PTPN14: variants seen among roughly 807,000 people sequenced by gnomAD.
PTPN14 encodes tyrosine-protein phosphatase non-receptor type 14.
PTPN14 carries 53 observed loss-of-function variants against 126.8 expected under a neutral mutation model. The observed-to-expected ratio is 0.42, with a 90% CI of 0.34 to 0.53. PTPN14 has a LOEUF of 0.53. Among genes scored for constraint, PTPN14 ranks in the 20% least tolerant of loss-of-function variants. The probability of loss-of-function intolerance (pLI) is 0.08; values close to 1 mark genes in which losing one functional copy is unlikely to be tolerated. For missense variants in PTPN14, 1,257 were observed against 1,552.9 expected (o/e 0.81, Z 3.20); for synonymous variants, 630 against 599.3 (o/e 1.05, Z -0.75).
intron 4 of PTPN14, among the ~76,000 whole-genome samples, chr1:214,414,194 C>A (rs17022846): frequency 6.6e-6 from 1 of 152,102 alleles, no homozygotes; most frequent in Admixed American, 6.6e-5. Flanking sequence ...GATTTTAAAT[C>A]TACCTCTTTA....
rs190693661 is a variant in PTPN14, at chr1:214,384,693, C to T, written c.1162G>A (p.Val388Met). The T allele has an allele frequency of 3.9e-5, 63 of 1,614,126 alleles. No individual in the cohort carries two copies. The highest frequency in any genetic ancestry group is 2.0e-4 in the Admixed American group (12 of 60,016). The change falls in exon 13 of 19, where the codon GTG becomes ATG. Residue 388 changes from valine (V) to methionine (M), a missense_variant. Coordinates refer to ENST00000366956, the MANE Select transcript of PTPN14 (RefSeq NM_005401.5). This position sits in a 1 kb window ranked among gnomAD's most constrained non-coding sequence, Gnocchi z 5.3. ...YLNGTVTNGS[V>M]CSVHSVNSLN... ...GAGTTGACGCTGTGAACGCTACACA[C>T]GCTGCCATTGGTGACAGTGCCATTT...
rs368497370 is a variant in PTPN14 at position 214,402,841 on chromosome 1, C to G, written c.581+42G>C. On this transcript the variant is annotated intron_variant, in intron 6 of 18. Transcript: ENST00000366956. ...TGCCTCCTGCCCCATGGGCTGTAAA[C>G]ATCTGTTGTGCAGGCAGCCCCTTAC... 1.9e-6 allele frequency: 3 copies of G among 1,599,862 alleles called. No individual in the cohort carries two copies. In the African/African-American group the frequency reaches 4.0e-5, roughly 21 times the overall value.
intron 1 of PTPN14, chr1:214,532,450 A>G (rs1655576262): frequency 2.5e-6 from 2 of 806,884 alleles, no homozygotes; most frequent in African/African-American, 3.4e-5. Context: ...CTGAAAGACC[A>G]CCTGGCCTCC....
rs920018871 is a variant in PTPN14 at position 214,349,170 on chromosome 1, G to C, written c.*8752C>G. Reference sequence around the variant, plus strand: ...AGTAAGGAGACTGGGCTTCCATCTTGCAAGGTGGCAAGCGGCCACCACAGG... The same window carrying C: ...AGTAAGGAGACTGGGCTTCCATCTTCCAAGGTGGCAAGCGGCCACCACAGG... On this transcript the variant is annotated 3_prime_UTR_variant, in exon 19 of 19. Coordinates refer to ENST00000366956, the MANE Select transcript of PTPN14 (RefSeq NM_005401.5). The C allele has an allele frequency of 1.3e-5, 2 of 152,186 alleles. No individual in the cohort carries two copies. Among genetic ancestry groups the C allele is most frequent in the Non-Finnish European group, 2.9e-5 (2 of 68,038 alleles). The allele number at this position is 152,186 out of a possible 1,614,324, so 9.4% of individuals were successfully genotyped here.
At chr1:214,359,728 C>G (rs1034228485) in intron 18 of PTPN14, among the ~76,000 whole-genome samples, 9 of 151,278 alleles carry the variant, frequency 5.9e-5, no homozygotes, top group Non-Finnish European at 7.4e-5. Context: ...ACTCTGTTGC[C>G]CAGGCTGGTC....
intron 18 of PTPN14, among the ~76,000 whole-genome samples, chr1:214,360,295 C>T (rs1259563020): frequency 6.6e-6 from 1 of 152,116 alleles, no homozygotes; most frequent in African/African-American, 2.4e-5. Flanking sequence ...CTAAGGAATG[C>T]ATATCACAAA....
chr1:214,535,585 C>T (rs977708359), intron 1 of PTPN14, among the ~76,000 whole-genome samples: 1 of 152,098 alleles, frequency 6.6e-6, no homozygotes, highest in Non-Finnish European at 1.5e-5. Context: ...GGAGACCAGC[C>T]TGGCCAATAT....
At chr1:214,453,844 T>C (rs931598370) in intron 2 of PTPN14, among the ~76,000 whole-genome samples, 5 of 151,962 alleles carry the variant, frequency 3.3e-5, no homozygotes, top group African/African-American at 1.2e-4. Context: ...AGGAAAAAAA[T>C]CACAAAGCTA....
intron 1 of PTPN14, among the ~76,000 whole-genome samples, chr1:214,514,260 A>G (rs1340390674): frequency 6.6e-6 from 1 of 152,140 alleles, no homozygotes; most frequent in East Asian, 1.9e-4. Context: ...TTAAAAGGCA[A>G]TAAACCTAGT....
At position 214,383,764 on chromosome 1, in the gene PTPN14, G is replaced by A. The variant is rs1052232134; in HGVS notation, c.2091C>T (p.Thr697=). The A allele has an allele frequency of 2.5e-6, 4 of 1,613,218 alleles. No homozygotes were observed. Among genetic ancestry groups the A allele is most frequent in the Admixed American group, 1.7e-5 (1 of 60,012 alleles). ...PQLPQYHHKK[T]FSDATMLIHS... is the part of the protein sequence containing the mutation. The stretch of plus-strand genomic sequence containing the variant: ...GGATTAGCATAGTGGCATCAGAGAA[G>A]GTCTTCTTGTGGTGATACTGAGGGA... Residue 697 remains threonine (T), a synonymous_variant, in exon 13 of 19, where the codon ACC becomes ACT. Transcript: ENST00000366956. This position sits in a 1 kb window ranked among gnomAD's most constrained non-coding sequence, Gnocchi z 4.4.
rs77737102 is a variant in PTPN14, at chr1:214,502,543, G to A, written c.-154-37586C>T. Among the ~76,000 whole-genome samples, 619 of 152,006 alleles carry A rather than the reference G, an allele frequency of 4.1e-3. 14 individuals carry two copies. The highest frequency in any genetic ancestry group is 0.029 in the Admixed American group (447 of 15,256). On this transcript the variant is annotated intron_variant, in intron 1 of 18. Coordinates refer to ENST00000366956, the MANE Select transcript of PTPN14 (RefSeq NM_005401.5). ...CTTATTTTTTATTTATTTATTTTTAGAGACAGGATCTCACTATGTTGCCCA... is the reference window on the plus strand; with the variant it reads ...CTTATTTTTTATTTATTTATTTTTAAAGACAGGATCTCACTATGTTGCCCA...
At chr1:214,469,838 G>T (rs1359530628) in intron 1 of PTPN14, among the ~76,000 whole-genome samples, 2 of 151,696 alleles carry the variant, frequency 1.3e-5, no homozygotes, top group Non-Finnish European at 2.9e-5. Context: ...GGGGGTATGT[G>T]GGAAATCTTT....
At chr1:214,388,932 A>G (rs1327490730) in intron 11 of PTPN14, among the ~76,000 whole-genome samples, 1 of 152,214 alleles carries the variant, frequency 6.6e-6, no homozygotes, top group East Asian at 1.9e-4. Flanking sequence ...ATAAAAAAAA[A>G]GGGATCCAAG....
intron 1 of PTPN14, among the ~76,000 whole-genome samples, chr1:214,489,122 A>T (rs1034858815): frequency 2.6e-5 from 4 of 152,228 alleles, no homozygotes; most frequent in African/African-American, 9.6e-5. Flanking sequence ...GATGGTGATT[A>T]GTAACCGCAG....
At chr1:214,442,866 C>A (rs1415872748) in intron 3 of PTPN14, among the ~76,000 whole-genome samples, 1 of 150,964 alleles carries the variant, frequency 6.6e-6, no homozygotes, top group Admixed American at 6.6e-5. Context: ...TCTTGTTGCC[C>A]AGACTGGAGT....
intron 3 of PTPN14, among the ~76,000 whole-genome samples, chr1:214,436,398 AAGTTAAAAAAAAATAC>A (rs943804501): frequency 7.4e-6 from 1 of 134,816 alleles, no homozygotes; most frequent in African/African-American, 2.5e-5. Flanking sequence ...ATCTAAAATA[AAGTTAAAAAAAAATAC>A]AGTTTTCTTT....
chr1:214,418,391 C>T (rs1296037592), intron 3 of PTPN14, among the ~76,000 whole-genome samples: 1 of 152,210 alleles, frequency 6.6e-6, no homozygotes, highest in Non-Finnish European at 1.5e-5. Context: ...TTTTAAATTC[C>T]CAGTCCAATC....
intron 7 of PTPN14, among the ~76,000 whole-genome samples, chr1:214,400,430 G>A (rs1658989025): frequency 1.3e-5 from 2 of 152,186 alleles, no homozygotes; most frequent in South Asian, 2.1e-4. Flanking sequence ...CCAACTCAGA[G>A]GAAGGTATTA....
At chr1:214,473,425 T>C (rs1007279239) in intron 1 of PTPN14, among the ~76,000 whole-genome samples, 5 of 152,250 alleles carry the variant, frequency 3.3e-5, no homozygotes, top group Non-Finnish European at 7.3e-5. Context: ...TTAGTTCCCA[T>C]GCTATGCTAT....
Sources: gnomAD v4.1 joint callset for allele counts (sites outside exome capture counted in the v4.1 genomes callset) on GRCh38, gnomAD v4.1.1 for gene constraint, Gnocchi (gnomAD v3.1) non-coding constraint, MANE v1.5 for transcripts, NCBI Gene and HGNC (gene_info 2026-07-23, HGNC 2026-07-21) for gene names.